RPH3AL: variants seen among roughly 807,000 people sequenced by gnomAD.
RPH3AL encodes rabphilin 3A like (without C2 domains).
In RPH3AL, 38 loss-of-function variants were observed where a neutral mutation model predicts 43.1. That is an observed-to-expected ratio of 0.88 (90% CI 0.68 to 1.15). The LOEUF (loss-of-function observed/expected upper bound fraction) is 1.15. Among genes scored for constraint, RPH3AL ranks in the 50% most tolerant of loss-of-function variants. The pLI is 0.00. For missense variants in RPH3AL, 462 were observed against 423.2 expected (o/e 1.09, Z -0.81); for synonymous variants, 189 against 176.3 (o/e 1.07, Z -0.57).
chr17:213,982 G>T, intron 9 of RPH3AL, 59 bp from the exon 10 acceptor site: 1 of 1,328,502 alleles, frequency 7.5e-7, no homozygotes, highest in Non-Finnish European at 1.1e-6. Context: ...CTCCCTCCCC[G>T]GTGACAGCTC....
rs143196569 is a variant in RPH3AL, at chr17:234,869, A to C, written c.613+12242T>G. Among the ~76,000 whole-genome samples the C allele has an allele frequency of 1.4e-3, 215 of 152,364 alleles. 1 individual carries two copies. Among genetic ancestry groups the C allele is most frequent in the African/African-American group, 4.7e-3 (194 of 41,584 alleles). On this transcript the variant is annotated intron_variant, in intron 7 of 9. Transcript: ENST00000331302. ...ATCTCTCAGGGACAGAGAGAGAAGG[A>C]AGGCGGCATAGCAGCAGCTGGCTCT...
chr17:314,812 C>CCTGTGTCCCCACCTCT (rs2043858947), intron 5 of RPH3AL, among the ~76,000 whole-genome samples: 1 of 150,306 alleles, frequency 6.7e-6, no homozygotes, highest in African/African-American at 2.5e-5. Flanking sequence ...ACTCCACGTC[C>CCTGTGTCCCCACCTCT]ATTGACCTGT....
rs1017169884 is a variant in RPH3AL at position 323,106 on chromosome 17, T to C, written c.78-1691A>G. On this transcript the variant is annotated intron_variant, in intron 3 of 9. Coordinates refer to ENST00000331302, the MANE Select transcript of RPH3AL (RefSeq NM_006987.4). This position sits in a 1 kb window ranked among gnomAD's most constrained non-coding sequence, Gnocchi z 4.4. Reference sequence around the variant, plus strand: ...TGGGGAGGGCTGTCAGGCATGGCTTTACCATGTGTGAGCTTTTGCAGGATG... The same window carrying C: ...TGGGGAGGGCTGTCAGGCATGGCTTCACCATGTGTGAGCTTTTGCAGGATG... 6.6e-6 allele frequency among the ~76,000 whole-genome samples: 1 copy of C among 152,072 alleles called. No homozygotes were observed. The highest frequency in any genetic ancestry group is 1.5e-5 in the Non-Finnish European group (1 of 68,002).
chr17:336,427 G>C (rs917947659), intron 1 of RPH3AL, among the ~76,000 whole-genome samples: 39 of 152,188 alleles, frequency 2.6e-4, no homozygotes, highest in Non-Finnish European at 7.4e-5. Context: ...GAGCCCCGGG[G>C]AAACCAGTGC....
intron 5 of RPH3AL, among the ~76,000 whole-genome samples, chr17:308,962 C>T (rs540373327): frequency 4.0e-4 from 61 of 152,250 alleles, no homozygotes; most frequent in African/African-American, 1.3e-3. Context: ...GGTCACAAAT[C>T]GCCACCATCT....
intron 5 of RPH3AL, among the ~76,000 whole-genome samples, chr17:312,162 G>A (rs1197816149): frequency 5.3e-5 from 8 of 152,120 alleles, no homozygotes; most frequent in Non-Finnish European, 8.8e-5. Context: ...TTAGACAGGC[G>A]TGGTGGCACA....
Position 283,152 on chromosome 17 carries a change from TG to T in RPH3AL, c.352-1299del, listed in dbSNP as rs148870278. Among the ~76,000 whole-genome samples, 22,647 of 152,096 alleles carry T rather than the reference TG, an allele frequency of 0.15. 1,777 individuals carry two copies. The highest frequency in any genetic ancestry group is 0.22 in the African/African-American group (9,111 of 41,482). ...GGAAGCCACCCGGTCCCTGCGTGGG[TG>T]GGGGCTCTCTGCAGCCCCCCGCCGA... On this transcript the variant is annotated intron_variant, in intron 5 of 9. Coordinates refer to ENST00000331302, the MANE Select transcript of RPH3AL (RefSeq NM_006987.4). The surrounding 1 kb of genome is among the most constrained non-coding windows in gnomAD (Gnocchi z 4.2).
At chr17:253,622 C>A (rs980079204) in intron 6 of RPH3AL, among the ~76,000 whole-genome samples, 4 of 152,128 alleles carry the variant, frequency 2.6e-5, no homozygotes, top group Admixed American at 2.0e-4. Flanking sequence ...TAAGCAATAG[C>A]TCTCCTCTGC....
intron 7 of RPH3AL, among the ~76,000 whole-genome samples, chr17:244,108 C>T (rs2041677709): frequency 6.9e-6 from 1 of 145,732 alleles, no homozygotes; most frequent in Admixed American, 6.9e-5. Context: ...CTATTGATTA[C>T]CCCTCTATTG....
Position 288,857 on chromosome 17 carries a change from TCG to T in RPH3AL, c.352-7005_352-7004del, listed in dbSNP as rs200002671. Among the ~76,000 whole-genome samples the T allele has an allele frequency of 9.8e-3, 55 of 5,630 alleles. 1 individual carries two copies. The highest frequency in any genetic ancestry group is 0.027 in the Non-Finnish European group (29 of 1,094). 3.7% of individuals were successfully genotyped at this position (5,630 alleles called of 152,430 possible). On this transcript the variant is annotated intron_variant, in intron 5 of 9. Coordinates refer to ENST00000331302, the MANE Select transcript of RPH3AL (RefSeq NM_006987.4). ...CGCACCCTCTCTCCACCGTCAGACC[TCG>T]CACCCTCTCTCTCCACCGTCAGACC...
chr17:260,401 G>A (rs1366646779), intron 6 of RPH3AL, among the ~76,000 whole-genome samples: 1 of 152,202 alleles, frequency 6.6e-6, no homozygotes, highest in East Asian at 1.9e-4. Context: ...GGCTGTGCCT[G>A]AGCCATCTCT....
At chr17:239,541 G>A (rs73971671) in intron 7 of RPH3AL, among the ~76,000 whole-genome samples, 113 of 152,110 alleles carry the variant, frequency 7.4e-4, no homozygotes, top group African/African-American at 2.7e-3. Flanking sequence ...ATACTATATC[G>A]TTCTTACTGA....
chr17:324,710 C>CCTATCTAT (rs71143502), intron 3 of RPH3AL, among the ~76,000 whole-genome samples: 55 of 150,988 alleles, frequency 3.6e-4, no homozygotes, highest in Admixed American at 3.5e-3. Context: ...TAGCTATGTA[C>CCTATCTAT]CTATCTATCT....
At chr17:349,831 C>T (rs2045318867) in intron 1 of RPH3AL, among the ~76,000 whole-genome samples, 1 of 152,178 alleles carries the variant, frequency 6.6e-6, no homozygotes, top group Non-Finnish European at 1.5e-5. Flanking sequence ...CAGCAGCTGA[C>T]ATTTCTGTAA....
intron 5 of RPH3AL, among the ~76,000 whole-genome samples, chr17:312,851 C>G (rs772690524): frequency 1.2e-4 from 18 of 152,212 alleles, no homozygotes; most frequent in African/African-American, 3.9e-4. Flanking sequence ...CCTGCAGCTC[C>G]GTGCACAACC....
chr17:233,549 A>G (rs2041280503), intron 7 of RPH3AL, among the ~76,000 whole-genome samples: 1 of 152,148 alleles, frequency 6.6e-6, no homozygotes, highest in South Asian at 2.1e-4. Context: ...GTACAGTCAC[A>G]CAGACGTGAC....
intron 1 of RPH3AL, among the ~76,000 whole-genome samples, chr17:339,276 T>C (rs554686713): frequency 5.9e-5 from 9 of 152,260 alleles, no homozygotes; most frequent in African/African-American, 2.2e-4. Flanking sequence ...AGAATGCCCA[T>C]AAGAGGGCCA....
chr17:280,661 G>A (rs550250751), intron 6 of RPH3AL, among the ~76,000 whole-genome samples: 3 of 152,258 alleles, frequency 2.0e-5, no homozygotes, highest in Admixed American at 6.5e-5. Flanking sequence ...GACAACCCAC[G>A]AAACCAATGG....
intron 5 of RPH3AL, among the ~76,000 whole-genome samples, chr17:295,904 A>G (rs377550540): frequency 3.1e-5 from 3 of 97,244 alleles, no homozygotes; most frequent in African/African-American, 8.4e-5. Flanking sequence ...AAATGGATGG[A>G]CAGAGGGAAT....
Sources: allele counts gnomAD v4.1 joint callset (sites outside exome capture counted in the v4.1 genomes callset), GRCh38; gene constraint gnomAD v4.1.1; non-coding constraint Gnocchi (gnomAD v3.1); transcripts MANE v1.5; gene names NCBI Gene and HGNC (gene_info 2026-07-23, HGNC 2026-07-21).